The following ZNF536 variants were observed in gnomAD, a reference collection of about 807,000 sequenced individuals.
The protein encoded by ZNF536 is zinc finger protein 536.
Under a neutral mutation model 84.5 loss-of-function variants are expected in ZNF536, and 13 were observed. The observed-to-expected ratio is 0.15, with a 90% CI of 0.10 to 0.24. ZNF536 has a LOEUF of 0.24. Ranked by LOEUF, ZNF536 falls within the 10% of genes least tolerant of loss-of-function variation. The pLI is 1.00. For missense variants in ZNF536, 1,536 were observed against 1,747.5 expected, an observed-to-expected ratio of 0.88 and a Z score of 2.16; for synonymous variants, 811 against 742.5, an observed-to-expected ratio of 1.09 and a Z score of -1.50.
chr19:30,443,228 C>A (rs62103362), intron 1 of ZNF536, among the ~76,000 whole-genome samples: 1 of 151,864 alleles, frequency 6.6e-6, no homozygotes, highest in South Asian at 2.1e-4. Context: ...AATGGGGCAA[C>A]GGAGAAAAAG....
At chr19:30,670,864 G>A (rs962132090) in intron 1 of ZNF536, among the ~76,000 whole-genome samples, 6 of 152,182 alleles carry the variant, frequency 3.9e-5, no homozygotes, top group African/African-American at 1.4e-4. Context: ...CACAGAGAAG[G>A]TACTCTGTCC....
chr19:30,226,964 G>C (rs2144563596), upstream of ZNF536, among the ~76,000 whole-genome samples: 1 of 150,728 alleles, frequency 6.6e-6, no homozygotes, highest in Admixed American at 6.6e-5. The surrounding 1 kb of genome is among the most constrained non-coding windows in gnomAD (Gnocchi z 4.6). Context: ...AGTCGTAGGC[G>C]AGACTCGGGG....
At chr19:30,707,796 G>C (rs2052301609) in intron 1 of ZNF536, among the ~76,000 whole-genome samples, 2 of 152,074 alleles carry the variant, frequency 1.3e-5, no homozygotes, top group Admixed American at 6.6e-5. Flanking sequence ...GATCACCTGA[G>C]GTCAGGAGTT....
At chr19:30,473,037 CAAA>C (rs57627848) in intron 2 of ZNF536, among the ~76,000 whole-genome samples, 18,230 of 107,230 alleles carry the variant, frequency 0.17, 1,183 homozygotes, top group Non-Finnish European at 0.2. Context: ...ACTAAGAATA[CAAA>C]AAAAAAAAAA....
At chr19:30,631,510 C>A (rs760138416) in intron 1 of ZNF536, among the ~76,000 whole-genome samples, 8 of 152,190 alleles carry the variant, frequency 5.3e-5, no homozygotes, top group Non-Finnish European at 1.2e-4. Context: ...CTTCTTTACC[C>A]CTCTGGGTCC....
At chr19:30,520,560 G>A (rs1263123663) in intron 2 of ZNF536, among the ~76,000 whole-genome samples, 1 of 151,976 alleles carries the variant, frequency 6.6e-6, no homozygotes, top group Non-Finnish European at 1.5e-5. Flanking sequence ...TCTAATTTCT[G>A]GGTTAGACAA....
In ZNF536 at chr19:30,649,910, T is replaced by TA. The variant is rs34573085; in HGVS notation, c.170-60836dup. ...GTATATTTGCTTTGATAATCTTAAC[T>TA]AAAAAAAAAAACTAAGACAAAGGAA... On this transcript the variant is annotated intron_variant, in intron 1 of 1. Transcript: ENST00000592773. Among the ~76,000 whole-genome samples, 155 of 149,420 alleles carry TA rather than the reference T, an allele frequency of 1.0e-3. 1 individual carries two copies. The highest frequency in any genetic ancestry group is 2.8e-3 in the African/African-American group (116 of 41,008).
intron 2 of ZNF536, among the ~76,000 whole-genome samples, chr19:30,477,978 C>A (rs185044760): frequency 6.6e-6 from 1 of 152,164 alleles, no homozygotes; most frequent in East Asian, 1.9e-4. Context: ...TAGAAAAGCA[C>A]CTTGCAGCTT....
At chr19:30,532,931 C>A (rs945720745) in intron 2 of ZNF536, among the ~76,000 whole-genome samples, 1 of 152,196 alleles carries the variant, frequency 6.6e-6, no homozygotes, top group Non-Finnish European at 1.5e-5. Flanking sequence ...GGCCTTTCCA[C>A]ATTCATTTGG....
At chr19:30,523,938 C>T (rs1454192151) in intron 2 of ZNF536, among the ~76,000 whole-genome samples, 1 of 152,212 alleles carries the variant, frequency 6.6e-6, no homozygotes, top group African/African-American at 2.4e-5. Flanking sequence ...GTCTGTTATG[C>T]TTAGTGGCTT....
chr19:30,626,492 G>A (rs900067091), intron 1 of ZNF536, among the ~76,000 whole-genome samples: 2 of 152,180 alleles, frequency 1.3e-5, no homozygotes, highest in African/African-American at 4.8e-5. Flanking sequence ...ATCGGCCAGA[G>A]TGCTGGCAAG....
At chr19:30,299,057 C>G (rs922037961) in intron 2 of ZNF536, among the ~76,000 whole-genome samples, 3 of 152,106 alleles carry the variant, frequency 2.0e-5, no homozygotes, top group African/African-American at 7.2e-5. Flanking sequence ...GTGTGGGCTT[C>G]GTGGTATGAG....
chr19:30,432,567 A>G (rs2051522476), intron 1 of ZNF536, among the ~76,000 whole-genome samples: 1 of 152,084 alleles, frequency 6.6e-6, no homozygotes, highest in African/African-American at 2.4e-5. Context: ...CTTTTTCACC[A>G]TTAAAAAGAA....
chr19:30,612,221 G>A (rs1452903155), intron 1 of ZNF536, among the ~76,000 whole-genome samples: 2 of 152,244 alleles, frequency 1.3e-5, no homozygotes, highest in South Asian at 2.1e-4. Context: ...TGGGTGATTC[G>A]CTATCCAAGA....
intron 1 of ZNF536, among the ~76,000 whole-genome samples, chr19:30,575,610 C>A (rs1407704656): frequency 2.6e-5 from 4 of 152,220 alleles, no homozygotes; most frequent in African/African-American, 9.6e-5. Flanking sequence ...CTCCTCCCTG[C>A]CTTCAGGCAG....
At chr19:30,376,064 CAT>C (rs2147099619) in intron 1 of ZNF536, among the ~76,000 whole-genome samples, 1 of 152,172 alleles carries the variant, frequency 6.6e-6, no homozygotes, top group East Asian at 1.9e-4. Flanking sequence ...AGTGTATGCC[CAT>C]GTGTGTGCTT....
Position 30,548,869 on chromosome 19 carries a change from C to T in ZNF536, c.3250C>T (p.Leu1084Phe), listed in dbSNP as rs746057798. 1 of 1,614,176 alleles carries T rather than the reference C, an allele frequency of 6.2e-7. No homozygotes were observed. Among genetic ancestry groups the T allele is most frequent in the Non-Finnish European group, 8.5e-7 (1 of 1,180,042 alleles). Residue 1084 changes from leucine (L) to phenylalanine (F), a missense_variant, in exon 4 of 5, where the codon CTC (leucine) becomes TTC (phenylalanine). Coordinates refer to ENST00000355537, the MANE Select transcript of ZNF536 (RefSeq NM_014717.3). ...SASEKMAQGQ[L>F]KETLGEQKSG... is the part of the protein sequence containing the mutation. ...TTCTGAGAAGATGGCCCAAGGTCAG[C>T]TCAAGGAGACTCTGGGAGAGCAGAA... is the stretch of plus-strand genomic sequence containing the variant.
At chr19:30,529,789 A>T (rs1458544178) in intron 2 of ZNF536, among the ~76,000 whole-genome samples, 1 of 152,196 alleles carries the variant, frequency 6.6e-6, no homozygotes, top group African/African-American at 2.4e-5. Flanking sequence ...AGAGCTTTTG[A>T]TGCCTACTTC....
intron 1 of ZNF536, among the ~76,000 whole-genome samples, chr19:30,664,912 CCT>C (rs2050260667): frequency 1.3e-5 from 2 of 152,340 alleles, no homozygotes; most frequent in Middle Eastern, 3.4e-3. Flanking sequence ...ACCACCCCAG[CCT>C]CTGTTTATCT....
Sources: allele counts gnomAD v4.1 joint callset (sites outside exome capture counted in the v4.1 genomes callset), GRCh38; gene constraint gnomAD v4.1.1; non-coding constraint Gnocchi (gnomAD v3.1); transcripts MANE v1.5; gene names NCBI Gene and HGNC (gene_info 2026-07-23, HGNC 2026-07-21).